MKLN1: variants seen among roughly 807,000 people sequenced by gnomAD.
MKLN1 encodes muskelin 1, also known as muskelin.
Under a neutral mutation model 99.0 loss-of-function variants are expected in MKLN1, and 18 were observed. The observed-to-expected ratio is 0.18, with a 90% CI of 0.13 to 0.27. The LOEUF (loss-of-function observed/expected upper bound fraction) is 0.27. Among genes scored for constraint, MKLN1 ranks in the 10% least tolerant of loss-of-function variants. The pLI is 1.00. For synonymous variants in MKLN1, 288 were observed against 293.2 expected, an observed-to-expected ratio of 0.98 and a Z score of 0.18; for missense variants, 621 against 875.9, an observed-to-expected ratio of 0.71 and a Z score of 3.67.
chr7:131,151,051 T>A (rs1030854453), intron 2 of MKLN1, among the ~76,000 whole-genome samples: 2 of 152,236 alleles, frequency 1.3e-5, no homozygotes, highest in African/African-American at 4.8e-5. Context: ...TATCTTGTAT[T>A]AACTAGTAAT....
At chr7:131,215,745 A>G (rs1481655240) in intron 3 of MKLN1, among the ~76,000 whole-genome samples, 3 of 152,196 alleles carry the variant, frequency 2.0e-5, no homozygotes, top group Admixed American at 6.5e-5. Flanking sequence ...TACTGTGATG[A>G]TGGAGATACC....
intron 2 of MKLN1, among the ~76,000 whole-genome samples, chr7:131,164,006 T>G (rs1001944310): frequency 2.6e-5 from 4 of 152,336 alleles, no homozygotes; most frequent in Middle Eastern, 6.8e-3. Flanking sequence ...AATTAAGCTT[T>G]GCCACAGGGC....
chr7:131,110,436 C>T (rs1325661061), intron 1 of MKLN1, among the ~76,000 whole-genome samples: 1 of 152,128 alleles, frequency 6.6e-6, no homozygotes, highest in Non-Finnish European at 1.5e-5. Flanking sequence ...GTGGTGCATC[C>T]TGAACCCAGG....
chr7:131,397,346 A>G lies in MKLN1; in HGVS notation c.480A>G (p.Ile160Met), dbSNP rs777742563. ...TTAGTGGCATTGATGATCCTGATATAGTACAACCTTGTCTCAACTGGTATA... is the reference window on the plus strand; with the variant it reads ...TTAGTGGCATTGATGATCCTGATATGGTACAACCTTGTCTCAACTGGTATA... ...VELSGIDDPD[I>M]VQPCLNWYSK... is the part of the protein sequence containing the mutation. The change falls in exon 5 of 18, where the codon ATA becomes ATG. Residue 160 changes from isoleucine to methionine, a missense_variant. Physicochemically the swap from Ile to Met is conservative, Grantham distance 10. This residue lies in a region of MKLN1 where 361 missense variants were observed against 540.8 expected (regional missense o/e 0.67). Coordinates refer to ENST00000352689, the MANE Select transcript of MKLN1 (RefSeq NM_013255.5). The G allele has an allele frequency of 6.2e-7, 1 of 1,611,426 alleles. No homozygotes were observed. The highest frequency in any genetic ancestry group is 1.1e-5 in the South Asian group (1 of 90,810).
intron 3 of MKLN1, among the ~76,000 whole-genome samples, chr7:131,239,664 T>C (rs1038145640): frequency 3.9e-5 from 6 of 152,156 alleles, no homozygotes; most frequent in African/African-American, 1.4e-4. Context: ...TCTTGTTTGA[T>C]ACCAGAGTCA....
At position 131,489,247 on chromosome 7, in the gene MKLN1, T is replaced by C. The variant is rs1265316312; in HGVS notation, c.*1519T>C. 25 of 152,126 alleles carry C rather than the reference T, an allele frequency of 1.6e-4. No homozygotes were observed. Among genetic ancestry groups the C allele is most frequent in the Admixed American group, 1.6e-3 (25 of 15,248 alleles). The allele number at this position is 152,126 out of a possible 1,614,324, so 9.4% of individuals were successfully genotyped here. ...TGGTTTTACTTATTTTGGGGATGGA[T>C]AGAAATATATTTTTGCTAGTTCTAG... On this transcript the variant is annotated 3_prime_UTR_variant, in exon 18 of 18. Coordinates refer to ENST00000352689, the MANE Select transcript of MKLN1 (RefSeq NM_013255.5).
At chr7:131,332,714 A>G (rs1799114853) in intron 1 of MKLN1, among the ~76,000 whole-genome samples, 3 of 151,794 alleles carry the variant, frequency 2.0e-5, no homozygotes, top group Admixed American at 1.3e-4. Flanking sequence ...CCTCCTTAAC[A>G]TATAGTAAAT....
At chr7:131,232,069 T>C (rs1797252182) in intron 3 of MKLN1, among the ~76,000 whole-genome samples, 2 of 152,216 alleles carry the variant, frequency 1.3e-5, no homozygotes, top group African/African-American at 4.8e-5. Flanking sequence ...ATATACATCA[T>C]ATTTTATTTA....
At chr7:131,113,945 G>A (rs6956067) in intron 1 of MKLN1, among the ~76,000 whole-genome samples, 1 of 152,078 alleles carries the variant, frequency 6.6e-6, no homozygotes, top group African/African-American at 2.4e-5. Context: ...GAACAGCATG[G>A]AGGGAACTGC....
At chr7:131,330,258 ACTT>A (rs1407969387) in intron 1 of MKLN1, among the ~76,000 whole-genome samples, 1 of 152,216 alleles carries the variant, frequency 6.6e-6, no homozygotes, top group Admixed American at 6.5e-5. Flanking sequence ...ATATTAAGGT[ACTT>A]CTTAAACAGG....
intron 3 of MKLN1, among the ~76,000 whole-genome samples, chr7:131,246,795 T>C (rs2116505806): frequency 6.6e-6 from 1 of 152,238 alleles, no homozygotes; most frequent in African/African-American, 2.4e-5. Flanking sequence ...TTTAGACTTT[T>C]AACTTTATCT....
intron 3 of MKLN1, among the ~76,000 whole-genome samples, chr7:131,297,653 G>C (rs899595356): frequency 2.6e-5 from 4 of 152,268 alleles, no homozygotes; most frequent in Admixed American, 1.3e-4. Context: ...AAAATGCACA[G>C]ATTGTGCCTT....
At chr7:131,348,173 A>G (rs763129561) in intron 1 of MKLN1, among the ~76,000 whole-genome samples, 1 of 152,216 alleles carries the variant, frequency 6.6e-6, no homozygotes, top group Non-Finnish European at 1.5e-5. Context: ...ACAGCTATCT[A>G]TATTGTGATT....
At chr7:131,436,504 G>A (rs897292155) in intron 9 of MKLN1, among the ~76,000 whole-genome samples, 1 of 152,152 alleles carries the variant, frequency 6.6e-6, no homozygotes, top group Non-Finnish European at 1.5e-5. Context: ...ATCTGAAATT[G>A]TGAAAGAGCC....
At position 131,159,749 on chromosome 7, in the gene MKLN1, G is replaced by A. The variant is rs530533619; in HGVS notation, c.-297+16808G>A. Among the ~76,000 whole-genome samples the A allele has an allele frequency of 1.4e-4, 22 of 152,046 alleles. No homozygotes were observed. In the South Asian group the frequency reaches 1.5e-3, roughly 10 times the overall value. ...TCACATGTACCCCAACAATATGTAC[G>A]ACTATTATATATCAATTTTCTTAAA... On this transcript the variant is annotated intron_variant, in intron 2 of 7. Transcript: ENST00000416992.
chr7:131,389,367 A>G (rs973965368), intron 4 of MKLN1, among the ~76,000 whole-genome samples: 3 of 152,176 alleles, frequency 2.0e-5, no homozygotes, highest in Non-Finnish European at 4.4e-5. Context: ...TATCACTTAT[A>G]CTAAAACAAT....
intron 14 of MKLN1, among the ~76,000 whole-genome samples, 168 bp downstream of exon 14, chr7:131,464,576 A>G (rs1328817427): frequency 6.6e-6 from 1 of 152,246 alleles, no homozygotes; most frequent in Non-Finnish European, 1.5e-5. Flanking sequence ...AAAATTCCTT[A>G]AGAGAATAAG....
chr7:131,416,879 A>G (rs1795032071), intron 8 of MKLN1, among the ~76,000 whole-genome samples: 1 of 149,384 alleles, frequency 6.7e-6, no homozygotes, highest in Non-Finnish European at 1.5e-5. Context: ...GCTACTCGAG[A>G]GGCTGAGTCA....
chr7:131,446,761 AAAAC>A (rs1320932601), intron 12 of MKLN1, among the ~76,000 whole-genome samples: 8 of 152,344 alleles, frequency 5.3e-5, no homozygotes, highest in Admixed American at 1.3e-4. Flanking sequence ...AACTTGTTTT[AAAAC>A]AAACAAACAA....
Sources: gnomAD v4.1 joint callset for allele counts (sites outside exome capture counted in the v4.1 genomes callset) on GRCh38, gnomAD v4.1.1 for gene constraint, gnomAD v4.1.1 regional missense constraint, MANE v1.5 for transcripts, NCBI Gene and HGNC (gene_info 2026-07-23, HGNC 2026-07-21) for gene names.